Variants in ATXN7 observed in about 807,000 individuals in gnomAD.
The protein encoded by ATXN7 is ataxin 7, also known as ataxin-7.
A neutral mutation model predicts 70.5 loss-of-function variants in ATXN7; 12 were observed. The ratio of observed to expected loss-of-function variants is 0.17; its 90% CI spans 0.11 to 0.28. The LOEUF is 0.28. Among genes scored for constraint, ATXN7 ranks in the 10% least tolerant of loss-of-function variants. ATXN7 has a pLI of 1.00. For synonymous variants in ATXN7, 498 were observed against 448.7 expected, an observed-to-expected ratio of 1.11 and a Z score of -1.39; for missense variants, 1,256 against 1,131.7, an observed-to-expected ratio of 1.11 and a Z score of -1.58.
At position 63,912,705 on chromosome 3, in the gene ATXN7, A is replaced by AGCAGCAGCAGCAGCCGCCGCCTCC; in HGVS notation, c.118_119insAGCCGCCGCCTCCGCAGCAGCAGC (p.Gln39_Pro40insGlnProProProProGlnGlnGln). 8.4e-7 allele frequency: 1 copy of AGCAGCAGCAGCAGCCGCCGCCTCC among 1,194,426 alleles called. No individual in the cohort carries two copies. The highest frequency in any genetic ancestry group is 1.6e-5 in the African/African-American group (1 of 61,376). 74.0% of individuals were successfully genotyped at this position (1,194,426 alleles called of 1,614,324 possible). A position where few individuals can be genotyped will look rare whatever the true frequency, so the allele number is the denominator to read the frequency against. ...GCCCGGCAGCAGCAGCAGCAGCAGC[A>AGCAGCAGCAGCAGCCGCCGCCTCC]GCAGCAGCAGCCGCCGCCTCCGCAG... On this transcript the variant is annotated inframe_insertion, in exon 3 of 13. Coordinates refer to ENST00000674280, the MANE Select transcript of ATXN7 (RefSeq NM_001377405.1).
chr3:63,880,842 TTTCCTACTAGAAGTAAACAC>T (rs1702885846), intron 1 of ATXN7, among the ~76,000 whole-genome samples: 1 of 152,230 alleles, frequency 6.6e-6, no homozygotes. Flanking sequence ...TATGGCTTTC[TTTCCTACTAGAAGTAAACAC>T]CATGAGAACA....
At chr3:63,893,654 C>G (rs544967642) in intron 1 of ATXN7, among the ~76,000 whole-genome samples, 1 of 152,298 alleles carries the variant, frequency 6.6e-6, no homozygotes, top group East Asian at 1.9e-4. Context: ...CTGAAATGTA[C>G]TCAAGAAACC....
At chr3:63,976,128 C>G (rs972122915) in intron 5 of ATXN7, among the ~76,000 whole-genome samples, 10 of 152,198 alleles carry the variant, frequency 6.6e-5, no homozygotes, top group African/African-American at 2.4e-4. Context: ...TATAGGGTCC[C>G]TAACCCCACC....
intron 11 of ATXN7, among the ~76,000 whole-genome samples, chr3:63,994,272 T>C (rs2075720630): frequency 6.6e-6 from 1 of 152,140 alleles, no homozygotes; most frequent in Non-Finnish European, 1.5e-5. Context: ...CCTCACTCAG[T>C]CACCGAGGCT....
chr3:63,961,935 A>G (rs2075139450), intron 5 of ATXN7, among the ~76,000 whole-genome samples: 1 of 152,178 alleles, frequency 6.6e-6, no homozygotes, highest in African/African-American at 2.4e-5. Context: ...CACAAGACTA[A>G]TTTGTACGAT....
chr3:63,873,866 G>A (rs939668494), intron 1 of ATXN7: 1 of 152,012 alleles, frequency 6.6e-6, no homozygotes, highest in Non-Finnish European at 1.5e-5. Flanking sequence ...ACCAAACCTG[G>A]CTAATACATT....
intron 4 of ATXN7, among the ~76,000 whole-genome samples, chr3:63,937,349 G>A (rs932015133): frequency 2.0e-5 from 3 of 152,130 alleles, no homozygotes; most frequent in African/African-American, 7.2e-5. Flanking sequence ...ATGTGGGGAG[G>A]AAATGTGGAT....
At chr3:63,981,795 G>T (rs536821740) in intron 6 of ATXN7, among the ~76,000 whole-genome samples, 2 of 152,130 alleles carry the variant, frequency 1.3e-5, no homozygotes, top group African/African-American at 4.8e-5. Flanking sequence ...GAATCCTTTC[G>T]TACAAATGGC....
Position 63,995,754 on chromosome 3 carries a change from A to G in ATXN7, c.1932A>G (p.Arg644=). 2 of 1,614,206 alleles carry G rather than the reference A, an allele frequency of 1.2e-6. No homozygotes were observed. The highest frequency in any genetic ancestry group is 2.7e-5 in the African/African-American group (2 of 75,048). ...AMDPVCSMQS[R]QVSSSSSSPS... Reference sequence around the variant, plus strand: ...ATCCTGTGTGCAGTATGCAATCCAGACAAGTGTCCTCTTCATCCTCATCCC... The same window carrying G: ...ATCCTGTGTGCAGTATGCAATCCAGGCAAGTGTCCTCTTCATCCTCATCCC... The change falls in exon 12 of 13, where the codon AGA becomes AGG. Residue 644 remains arginine (R), a synonymous_variant. Transcript: ENST00000674280.
intron 5 of ATXN7, among the ~76,000 whole-genome samples, chr3:63,976,632 T>G (rs2075392815): frequency 6.6e-6 from 1 of 152,198 alleles, no homozygotes; most frequent in Non-Finnish European, 1.5e-5. Context: ...GAAAAGAAGA[T>G]TTTAACCAAA....
At position 64,001,692 on chromosome 3, in the gene ATXN7, G is replaced by A. The variant is rs922767637; in HGVS notation, c.*2225G>A. The A allele has an allele frequency of 6.6e-6, 1 of 152,112 alleles. No homozygotes were observed. Among genetic ancestry groups the A allele is most frequent in the African/African-American group, 2.4e-5 (1 of 41,410 alleles). 9.4% of individuals were successfully genotyped at this position (152,112 alleles called of 1,614,324 possible). On this transcript the variant is annotated 3_prime_UTR_variant, in exon 13 of 13. Transcript: ENST00000674280. The stretch of plus-strand genomic sequence containing the variant: ...TTCTCCCGGTAATACACAGAGCATC[G>A]GGATTAGGAAATTAGCCATTTTGGA...
intron 8 of ATXN7, among the ~76,000 whole-genome samples, chr3:63,983,923 A>G (rs2075530433): frequency 6.6e-6 from 1 of 152,190 alleles, no homozygotes; most frequent in Non-Finnish European, 1.5e-5. Context: ...CCTTAGAGGG[A>G]GGAAGTAAAA....
At chr3:63,958,542 A>G (rs2075073410) in intron 5 of ATXN7, among the ~76,000 whole-genome samples, 1 of 152,202 alleles carries the variant, frequency 6.6e-6, no homozygotes, top group Admixed American at 6.5e-5. Flanking sequence ...ACCATTTAAT[A>G]CAGAACACTT....
In ATXN7 at chr3:63,912,682, C is replaced by CCGG. The variant is rs1553686089; in HGVS notation, c.86_88dup (p.Arg29dup). 29 of 984,992 alleles carry CCGG rather than the reference C, an allele frequency of 2.9e-5. No individual in the cohort carries two copies. In the East Asian group the frequency reaches 6.5e-4, roughly 22 times the overall value. 61.0% of individuals were successfully genotyped at this position (984,992 alleles called of 1,614,324 possible). The stretch of plus-strand genomic sequence containing the variant: ...CGGGCGGAGCAGCGGCCGCGGCCGC[C>CCGG]CGGCAGCAGCAGCAGCAGCAGCAGC... On this transcript the variant is annotated inframe_insertion, in exon 3 of 13. Coordinates refer to ENST00000674280, the MANE Select transcript of ATXN7 (RefSeq NM_001377405.1).
intron 4 of ATXN7, among the ~76,000 whole-genome samples, chr3:63,942,909 T>A (rs887255510): frequency 6.6e-6 from 1 of 152,184 alleles, no homozygotes; most frequent in Non-Finnish European, 1.5e-5. Context: ...TAATGAGTGA[T>A]AGGATTGGGA....
intron 1 of ATXN7, among the ~76,000 whole-genome samples, chr3:63,888,194 A>G (rs1703145443): frequency 6.6e-6 from 1 of 152,180 alleles, no homozygotes. Context: ...AATAATATGA[A>G]TTGAATAGAT....
At chr3:63,982,750 C>T in intron 7 of ATXN7, 189 bp from the exon 8 acceptor site, 2 of 616,236 alleles carry the variant, frequency 3.2e-6, no homozygotes, top group South Asian at 2.0e-5. Flanking sequence ...GCAGTAGTCA[C>T]CCCCTGTCTT....
Position 63,990,183 on chromosome 3 carries a change from G to A in ATXN7, c.1369G>A (p.Gly457Ser). The A allele has an allele frequency of 6.2e-7, 1 of 1,612,918 alleles. No homozygotes were observed. Among genetic ancestry groups the A allele is most frequent in the Non-Finnish European group, 8.5e-7 (1 of 1,179,982 alleles). Reference protein sequence around the residue: ...PHTPSLPRPPGCPAQQGGSAP... With the variant: ...PHTPSLPRPPSCPAQQGGSAP... ...CACTTTCTACTCACCAAGGCCTCCAGGCTGCCCTGCTCAGCAAGGTGGGAG... is the reference window on the plus strand; with the variant it reads ...CACTTTCTACTCACCAAGGCCTCCAAGCTGCCCTGCTCAGCAAGGTGGGAG... The change falls in exon 10 of 13, where the codon GGC becomes AGC. Residue 457 changes from glycine (G) to serine (S), a missense_variant. Gly to Ser is a moderately conservative substitution (Grantham distance 56). Coordinates refer to ENST00000674280, the MANE Select transcript of ATXN7 (RefSeq NM_001377405.1).
intron 5 of ATXN7, among the ~76,000 whole-genome samples, chr3:63,966,677 C>T (rs2075228932): frequency 6.6e-6 from 1 of 152,156 alleles, no homozygotes; most frequent in South Asian, 2.1e-4. Context: ...TACTGTTCTT[C>T]TGTTTTAGAG....
Sources: allele counts gnomAD v4.1 joint callset (sites outside exome capture counted in the v4.1 genomes callset), GRCh38; gene constraint gnomAD v4.1.1; transcripts MANE v1.5; gene names NCBI Gene and HGNC (gene_info 2026-07-23, HGNC 2026-07-21).